WWOX: variants seen among roughly 807,000 people sequenced by gnomAD.
The protein encoded by WWOX is WW domain containing oxidoreductase, also known as WW domain-containing oxidoreductase.
A neutral mutation model predicts 46.2 loss-of-function variants in WWOX; 69 were observed. The ratio of observed to expected loss-of-function variants is 1.49; its 90% CI spans 1.23 to 1.82. WWOX has a LOEUF of 1.82. Ranked by LOEUF, WWOX falls within the 40% of genes most tolerant of loss-of-function variation. The pLI is 0.00. For synonymous variants in WWOX, 359 were observed against 202.6 expected (o/e 1.77, Z -6.56); for missense variants, 919 against 542.6 (o/e 1.69, Z -6.89).
At chr16:79,093,724 A>G (rs1445105936) in intron 8 of WWOX, among the ~76,000 whole-genome samples, 2 of 152,236 alleles carry the variant, frequency 1.3e-5, no homozygotes, top group Non-Finnish European at 2.9e-5. Context: ...GAACATCAAA[A>G]GGATAATCAG....
At chr16:78,273,042 C>G (rs2079510612) in intron 5 of WWOX, among the ~76,000 whole-genome samples, 1 of 152,188 alleles carries the variant, frequency 6.6e-6, no homozygotes, top group Non-Finnish European at 1.5e-5. Flanking sequence ...TTGATAATCT[C>G]TTTCATTCAT....
chr16:78,824,620 C>A (rs1295985791), intron 8 of WWOX, among the ~76,000 whole-genome samples: 1 of 152,094 alleles, frequency 6.6e-6, no homozygotes, highest in Non-Finnish European at 1.5e-5. Flanking sequence ...AGGTGAAAGG[C>A]ACTTCTTACA....
intron 5 of WWOX, among the ~76,000 whole-genome samples, chr16:78,254,755 G>A (rs1043951902): frequency 2.0e-5 from 3 of 151,840 alleles, no homozygotes; most frequent in East Asian, 1.9e-4. Context: ...TCTCGAACTC[G>A]CAAGTTCAAG....
intron 8 of WWOX, among the ~76,000 whole-genome samples, chr16:79,090,925 T>G (rs761210690): frequency 3.9e-5 from 6 of 152,174 alleles, no homozygotes; most frequent in Non-Finnish European, 8.8e-5. Flanking sequence ...TCCCAAGAAG[T>G]TGGGACTACA....
chr16:78,724,928 A>G (rs2142364553), intron 8 of WWOX, among the ~76,000 whole-genome samples: 1 of 152,278 alleles, frequency 6.6e-6, no homozygotes, highest in South Asian at 2.1e-4. Context: ...TAGTGATTCC[A>G]GGTACGTAGC....
At chr16:78,947,569 T>C (rs986478813) in intron 8 of WWOX, among the ~76,000 whole-genome samples, 34 of 152,204 alleles carry the variant, frequency 2.2e-4, no homozygotes, top group African/African-American at 7.7e-4. Context: ...TGTTACAGAT[T>C]TTCAGGGATG....
chr16:78,794,413 A>G (rs920771990), intron 8 of WWOX, among the ~76,000 whole-genome samples: 6 of 152,212 alleles, frequency 3.9e-5, no homozygotes, highest in Admixed American at 2.6e-4. Flanking sequence ...AATAAATAAA[A>G]GCTACCCAGC....
chr16:78,725,168 C>G (rs982163465), intron 8 of WWOX, among the ~76,000 whole-genome samples: 3 of 151,924 alleles, frequency 2.0e-5, no homozygotes, highest in African/African-American at 4.8e-5. Context: ...ACACCTTTCA[C>G]TTGGCTCTCA....
chr16:78,797,920 C>G (rs1597627390), intron 8 of WWOX, among the ~76,000 whole-genome samples: 1 of 152,144 alleles, frequency 6.6e-6, no homozygotes, highest in South Asian at 2.1e-4. Flanking sequence ...CCCAAGAGGT[C>G]AAGACGGTAG....
intron 8 of WWOX, among the ~76,000 whole-genome samples, chr16:78,927,313 T>G (rs2045521412): frequency 6.6e-6 from 1 of 152,232 alleles, no homozygotes; most frequent in Non-Finnish European, 1.5e-5. Context: ...CTTGGTCCAC[T>G]GTTTATCCTG....
At chr16:78,479,351 A>G (rs1305684432) in intron 8 of WWOX, among the ~76,000 whole-genome samples, 2 of 152,232 alleles carry the variant, frequency 1.3e-5, no homozygotes, top group African/African-American at 4.8e-5. Context: ...TAATTTTGAT[A>G]GAAGCAAAGA....
At chr16:78,513,870 C>A (rs950235667) in intron 8 of WWOX, among the ~76,000 whole-genome samples, 1 of 149,232 alleles carries the variant, frequency 6.7e-6, no homozygotes, top group African/African-American at 2.5e-5. Context: ...ACAGTGTTTT[C>A]TAAATTTATA....
intron 8 of WWOX, among the ~76,000 whole-genome samples, chr16:78,875,683 A>C (rs866952661): frequency 1.3e-5 from 2 of 152,158 alleles, no homozygotes; most frequent in Admixed American, 1.3e-4. Flanking sequence ...ACCCATAAAC[A>C]AGACTTGGTT....
intron 8 of WWOX, among the ~76,000 whole-genome samples, chr16:78,485,070 C>T (rs1314972633): frequency 6.6e-6 from 1 of 152,038 alleles, no homozygotes; most frequent in Non-Finnish European, 1.5e-5. Context: ...TGTTGGAAGT[C>T]CTTCCAACTG....
At chr16:79,070,662 G>A (rs1277669325) in intron 8 of WWOX, among the ~76,000 whole-genome samples, 3 of 152,172 alleles carry the variant, frequency 2.0e-5, no homozygotes, top group Non-Finnish European at 2.9e-5. Context: ...GAGGGTATGC[G>A]AGAGATGTCA....
chr16:78,548,225 T>C (rs909097104), intron 8 of WWOX, among the ~76,000 whole-genome samples: 1 of 151,236 alleles, frequency 6.6e-6, no homozygotes, highest in Non-Finnish European at 1.5e-5. Flanking sequence ...AGTACTGATG[T>C]GGATATGATT....
intron 8 of WWOX, among the ~76,000 whole-genome samples, chr16:78,759,447 T>G (rs1465949037): frequency 6.6e-6 from 1 of 152,212 alleles, no homozygotes; most frequent in South Asian, 2.1e-4. Context: ...TGAGTTAAAA[T>G]AAGCCAGTGA....
At chr16:78,220,219 C>T (rs531275828) in intron 5 of WWOX, among the ~76,000 whole-genome samples, 1 of 152,240 alleles carries the variant, frequency 6.6e-6, no homozygotes, top group East Asian at 1.9e-4. Flanking sequence ...TCTTTGGCCT[C>T]CCATGTGGGT....
chr16:78,889,193 T>C lies in WWOX; in HGVS notation c.1057-322415T>C, dbSNP rs569735360. The stretch of plus-strand genomic sequence containing the variant: ...AGGATTCGTACCAGGGATTGGCAAA[T>C]GACAGTCATTTTCTGTTTCCTTAAG... On this transcript the variant is annotated intron_variant, in intron 8 of 8. Coordinates refer to ENST00000566780, the MANE Select transcript of WWOX (RefSeq NM_016373.4). 1.2e-4 allele frequency among the ~76,000 whole-genome samples: 19 copies of C among 152,306 alleles called. No homozygotes were observed. In the South Asian group the frequency reaches 3.5e-3, roughly 28 times the overall value.
Sources: allele counts gnomAD v4.1 joint callset (sites outside exome capture counted in the v4.1 genomes callset), GRCh38; gene constraint gnomAD v4.1.1; transcripts MANE v1.5; gene names NCBI Gene and HGNC (gene_info 2026-07-23, HGNC 2026-07-21).